CEP350: variants seen among roughly 807,000 people sequenced by gnomAD.
CEP350 encodes centrosomal protein 350, also known as centrosome-associated protein 350.
Under a neutral mutation model 331.8 loss-of-function variants are expected in CEP350, and 126 were observed. The observed-to-expected ratio is 0.38, with a 90% CI of 0.33 to 0.44. CEP350 has a LOEUF of 0.44. Among genes scored for constraint, CEP350 ranks in the 20% least tolerant of loss-of-function variants. The pLI, the probability that CEP350 is intolerant of heterozygous loss-of-function variation, is 1.00. For missense variants in CEP350, 3,406 were observed against 3,634.6 expected (o/e 0.94, Z 1.62); for synonymous variants, 1,200 against 1,259.5 (o/e 0.95, Z 1.00).
chr1:179,978,675 C>T (rs1027304351), intron 1 of CEP350, among the ~76,000 whole-genome samples: 1 of 152,018 alleles, frequency 6.6e-6, no homozygotes, highest in Non-Finnish European at 1.5e-5. Context: ...AACATAACGT[C>T]CTCCAGGCTC....
At chr1:180,086,639 T>C (rs557425506) in intron 31 of CEP350, among the ~76,000 whole-genome samples, 1 of 152,296 alleles carries the variant, frequency 6.6e-6, no homozygotes, top group African/African-American at 2.4e-5. Context: ...CACTCATATA[T>C]GTATAGCTTT....
In CEP350 at chr1:180,041,193, A is replaced by G. The variant is rs1558121086; in HGVS notation, c.4166A>G (p.Gln1389Arg). 3.8e-6 allele frequency: 6 copies of G among 1,599,056 alleles called. No homozygotes were observed. The highest frequency in any genetic ancestry group is 5.1e-6 in the Non-Finnish European group (6 of 1,172,726). ...GCCCTCTTGAAACTAAAGGCTGAAC[A>G]AGAGGCTCTGGAGAGTCAGAGACAA... ...DLALLKLKAE[Q>R]EALESQRQLE... is the part of the protein sequence containing the mutation. The change falls in exon 18 of 38, where the codon CAA becomes CGA. Residue 1389 changes from glutamine (Q) to arginine (R), a missense_variant. This residue lies in a region of CEP350 where 1,857 missense variants were observed against 1,909.2 expected (regional missense o/e 0.97). Transcript: ENST00000367607.
chr1:179,962,867 T>C (rs983018443), intron 1 of CEP350, among the ~76,000 whole-genome samples: 20 of 152,348 alleles, frequency 1.3e-4, no homozygotes, highest in Admixed American at 8.5e-4. Context: ...TAATGATAGT[T>C]CTAAGTTCTT....
chr1:180,042,389 T>C (rs966343719), intron 19 of CEP350, among the ~76,000 whole-genome samples: 3 of 152,240 alleles, frequency 2.0e-5, no homozygotes, highest in Admixed American at 2.0e-4. Flanking sequence ...CAATTCATAA[T>C]TGATACAGTT....
At chr1:180,078,707 C>G (rs1211429761) in intron 29 of CEP350, 33 bp downstream of exon 29, 1 of 1,525,980 alleles carries the variant, frequency 6.6e-7, no homozygotes, top group Non-Finnish European at 8.8e-7. Context: ...CTTAAAGATT[C>G]TCTAGAAAAA....
chr1:180,027,206 C>T (rs1364679276), intron 14 of CEP350, among the ~76,000 whole-genome samples: 1 of 152,168 alleles, frequency 6.6e-6, no homozygotes, highest in Non-Finnish European at 1.5e-5. Flanking sequence ...TTTGTAGGCA[C>T]ACACAAATAG....
chr1:180,061,633 A>G (rs1292461974), intron 25 of CEP350, among the ~76,000 whole-genome samples: 2 of 152,252 alleles, frequency 1.3e-5, no homozygotes, highest in Admixed American at 6.5e-5. Flanking sequence ...TATTGGTACA[A>G]TGTAGTCTTA....
At chr1:180,058,485 G>A (rs902940767) in intron 25 of CEP350, among the ~76,000 whole-genome samples, 9 of 152,106 alleles carry the variant, frequency 5.9e-5, no homozygotes, top group Non-Finnish European at 1.3e-4. Context: ...CCAATTAGTA[G>A]TATATGTTCT....
intron 1 of CEP350, among the ~76,000 whole-genome samples, chr1:179,971,280 C>T (rs539343457): frequency 2.0e-5 from 3 of 152,060 alleles, no homozygotes; most frequent in South Asian, 2.1e-4. Context: ...CTGCCTGCCT[C>T]GACCTCCCAA....
chr1:180,008,662 G>T (rs182083305), intron 8 of CEP350, among the ~76,000 whole-genome samples: 1 of 152,134 alleles, frequency 6.6e-6, no homozygotes, highest in African/African-American at 2.4e-5. Context: ...GTACTGTGCT[G>T]TACTAAACTT....
intron 37 of CEP350, among the ~76,000 whole-genome samples, chr1:180,105,283 T>C (rs1661080731): frequency 6.6e-6 from 1 of 152,070 alleles, no homozygotes; most frequent in South Asian, 2.1e-4. Flanking sequence ...CTTGAAATGT[T>C]GGCATGCTCC....
chr1:179,955,969 T>G (rs12139323), intron 1 of CEP350, among the ~76,000 whole-genome samples: 20,789 of 152,220 alleles, frequency 0.14, 1,499 homozygotes, highest in South Asian at 0.17. Flanking sequence ...TGCCCTGTAT[T>G]TGAAGAGTTT....
chr1:179,976,509 A>G (rs1651879798), intron 1 of CEP350, among the ~76,000 whole-genome samples: 1 of 152,068 alleles, frequency 6.6e-6, no homozygotes, highest in African/African-American at 2.4e-5. Flanking sequence ...CCAGTATGCT[A>G]CAAAAAATGT....
intron 25 of CEP350, among the ~76,000 whole-genome samples, chr1:180,059,282 A>G (rs534681214): frequency 6.0e-4 from 92 of 152,344 alleles, no homozygotes; most frequent in African/African-American, 1.8e-3. Flanking sequence ...ATACTCTGTT[A>G]TGAATTTGCC....
In CEP350 at chr1:180,098,787, G is replaced by A. The variant is rs6700829; in HGVS notation, c.9067-76G>A. On this transcript the variant is annotated intron_variant, in intron 36 of 37. Coordinates refer to ENST00000367607, the MANE Select transcript of CEP350 (RefSeq NM_014810.5). The stretch of plus-strand genomic sequence containing the variant: ...AATATTATATTCTTATCGTGAATCT[G>A]TTTACTGCATTGTAAACACATGAAA... 1,567 of 1,219,362 alleles carry A rather than the reference G, an allele frequency of 1.3e-3. 11 individuals carry two copies. In the African/African-American group the frequency reaches 0.021, roughly 17 times the overall value. The allele number at this position is 1,219,362 out of a possible 1,614,324, so 75.5% of individuals were successfully genotyped here.
chr1:180,039,664 GC>G (rs753280082), intron 17 of CEP350, among the ~76,000 whole-genome samples: 46 of 151,786 alleles, frequency 3.0e-4, no homozygotes, highest in Non-Finnish European at 5.9e-4. Flanking sequence ...TATTACTATG[GC>G]TTTTTAGTGA....
At chr1:180,083,409 A>C (rs1659683861) in intron 30 of CEP350, among the ~76,000 whole-genome samples, 1 of 152,138 alleles carries the variant, frequency 6.6e-6, no homozygotes, top group South Asian at 2.1e-4. Context: ...ACTGTTGGAG[A>C]GAAAAGATTT....
At chr1:180,036,301 A>C (rs1258011568) in intron 16 of CEP350, among the ~76,000 whole-genome samples, 1 of 152,228 alleles carries the variant, frequency 6.6e-6, no homozygotes, top group Non-Finnish European at 1.5e-5. Flanking sequence ...CATAAACTTT[A>C]ATTGATAAAG....
chr1:180,041,263 A>G lies in CEP350; in HGVS notation c.4221+15A>G, dbSNP rs773587476. On this transcript the variant is annotated intron_variant, in intron 18 of 37. Transcript: ENST00000367607. ...AAGCAGCTCAGGTAACTTATTTTGC[A>G]GCAGGTTCTTGTTTTTTAAACCTAA... 1 of 1,539,464 alleles carries G rather than the reference A, an allele frequency of 6.5e-7. No homozygotes were observed. The highest frequency in any genetic ancestry group is 8.8e-7 in the Non-Finnish European group (1 of 1,141,852).
Sources: allele counts gnomAD v4.1 joint callset (sites outside exome capture counted in the v4.1 genomes callset), GRCh38; gene constraint gnomAD v4.1.1; regional missense constraint gnomAD v4.1.1; transcripts MANE v1.5; gene names NCBI Gene and HGNC (gene_info 2026-07-23, HGNC 2026-07-21).